The following FAT2 variants were observed in gnomAD, a reference collection of about 807,000 sequenced individuals.
The protein encoded by FAT2 is FAT atypical cadherin 2.
Under a neutral mutation model 295.3 loss-of-function variants are expected in FAT2, and 150 were observed. The observed-to-expected ratio is 0.51, with a 90% CI of 0.44 to 0.58. The LOEUF (loss-of-function observed/expected upper bound fraction) is 0.58. Ranked by LOEUF, FAT2 falls within the 20% of genes least tolerant of loss-of-function variation. The pLI is 0.00. For missense variants in FAT2, 4,868 were observed against 5,442.7 expected (o/e 0.89, Z 3.32); for synonymous variants, 2,026 against 2,150.3 (o/e 0.94, Z 1.60).
At chr5:151,591,894 C>T (rs752401778), upstream of FAT2, among the ~76,000 whole-genome samples, 10 of 152,164 alleles carry the variant, frequency 6.6e-5, no homozygotes, top group Non-Finnish European at 1.5e-4. Flanking sequence ...CCAGTCAGGA[C>T]TTAGCTGAGA....
intron 3 of FAT2, among the ~76,000 whole-genome samples, chr5:151,561,402 T>C (rs571271329): frequency 1.5e-4 from 23 of 152,144 alleles, no homozygotes; most frequent in African/African-American, 5.1e-4. Context: ...CTTTTTTTTT[T>C]CTTTCTGAGA....
Position 151,504,932 on chromosome 5 carries a change from C to A in FAT2, c.*633G>T. ...AGGCCTGGTGGTGCTCCTCGGAGTC[C>A]TTGTTGCCCTCCATCACCATTTTCT... On this transcript the variant is annotated 3_prime_UTR_variant, in exon 24 of 24. Transcript: ENST00000261800. The A allele has an allele frequency of 6.5e-6, 1 of 152,998 alleles. No individual in the cohort carries two copies. The allele number at this position is 152,998 out of a possible 1,614,324, so 9.5% of individuals were successfully genotyped here.
chr5:151,513,465 C>T (rs972445060), intron 20 of FAT2, among the ~76,000 whole-genome samples: 5 of 152,078 alleles, frequency 3.3e-5, no homozygotes, highest in African/African-American at 7.2e-5. Flanking sequence ...GAGTTGGCGG[C>T]CATTATCCTA....
intron 13 of FAT2, 85 bp from the exon 14 acceptor site, chr5:151,532,055 G>A (rs1754686672): frequency 6.5e-7 from 1 of 1,530,042 alleles, no homozygotes; most frequent in South Asian, 1.2e-5. Flanking sequence ...CACAGGAGGG[G>A]CTGGGGAGGG....
At chr5:151,549,206 G>T in intron 9 of FAT2, 89 bp downstream of exon 9, 1 of 1,241,518 alleles carries the variant, frequency 8.1e-7, no homozygotes, top group Non-Finnish European at 1.1e-6. Flanking sequence ...CTTGGTACTT[G>T]ATTAATTTGC....
In FAT2 at chr5:151,531,664, C is replaced by T. The variant is rs1397654420; in HGVS notation, c.9734G>A (p.Arg3245His). ...GTAGCCGGTCTTCTCTGCGCCCGGG[C>T]GAGTGAGGGTGGCCAGCTGCAGCAC... Reference protein sequence around the residue: ...TEVLQLATLTRPGAEKTGYRV... With the variant: ...TEVLQLATLTHPGAEKTGYRV... The change falls in exon 14 of 24, where the codon CGC (arginine) becomes CAC (histidine). Residue 3245 changes from arginine to histidine, a missense_variant. Arg to His is a conservative substitution (Grantham distance 29). Coordinates refer to ENST00000261800, the MANE Select transcript of FAT2 (RefSeq NM_001447.3). This position sits in a 1 kb window ranked among gnomAD's most constrained non-coding sequence, Gnocchi z 5.7. The T allele has an allele frequency of 6.2e-7, 1 of 1,613,728 alleles. No homozygotes were observed. The highest frequency in any genetic ancestry group is 8.5e-7 in the Non-Finnish European group (1 of 1,179,902).
At chr5:151,558,919 G>A (rs1050951907) in intron 3 of FAT2, among the ~76,000 whole-genome samples, 2 of 152,240 alleles carry the variant, frequency 1.3e-5, no homozygotes, top group Non-Finnish European at 2.9e-5. Context: ...TGGCCTAAGA[G>A]GCCGTGGCTG....
upstream of FAT2, among the ~76,000 whole-genome samples, chr5:151,592,111 G>A (rs943412167): frequency 6.6e-6 from 1 of 152,150 alleles, no homozygotes. Flanking sequence ...GGTGCAGGAC[G>A]CCTTGGCTTT....
chr5:151,512,799 A>C lies in FAT2; in HGVS notation c.11464-193T>G. Reference sequence around the variant, plus strand: ...TGTGTTGATGGTCTCCTTTGTTCTCACCACACCCCATGGGATGGTCTGGGT... The same window carrying C: ...TGTGTTGATGGTCTCCTTTGTTCTCCCCACACCCCATGGGATGGTCTGGGT... On this transcript the variant is annotated intron_variant, in intron 20 of 23. Transcript: ENST00000261800. This position sits in a 1 kb window ranked among gnomAD's most constrained non-coding sequence, Gnocchi z 4.1. 1.7e-6 allele frequency: 1 copy of C among 599,874 alleles called. No individual in the cohort carries two copies. Among genetic ancestry groups the C allele is most frequent in the Non-Finnish European group, 2.9e-6 (1 of 339,708 alleles). The allele number at this position is 599,874 out of a possible 1,614,324, so 37.2% of individuals were successfully genotyped here. A position where few individuals can be genotyped will look rare whatever the true frequency, so the allele number is the denominator to read the frequency against.
Position 151,567,973 on chromosome 5 carries a change from A to T in FAT2, c.959T>A (p.Ile320Asn), listed in dbSNP as rs1758358403. ...CCCATGAAGGTACTCCATCCAGTTG[A>T]TGTCTTTGACAGACACCAAACTGAA... ...NEFSLVSVKD[I>N]NWMEYLHGFN... Residue 320 changes from isoleucine to asparagine, a missense_variant, in exon 2 of 24, where the codon ATC (isoleucine) becomes AAC (asparagine). Physicochemically the swap from Ile to Asn is moderately radical, Grantham distance 149. This residue lies in a region of FAT2 where 3,297 missense variants were observed against 3,669.4 expected (regional missense o/e 0.90). Coordinates refer to ENST00000261800, the MANE Select transcript of FAT2 (RefSeq NM_001447.3). The T allele has an allele frequency of 6.2e-7, 1 of 1,614,084 alleles. No individual in the cohort carries two copies. Among genetic ancestry groups the T allele is most frequent in the South Asian group, 1.1e-5 (1 of 91,082 alleles).
chr5:151,566,286 G>A lies in FAT2; in HGVS notation c.2646C>T (p.Asp882=), dbSNP rs962415307. The A allele has an allele frequency of 1.9e-6, 3 of 1,613,988 alleles. No individual in the cohort carries two copies. Among genetic ancestry groups the A allele is most frequent in the African/African-American group, 2.7e-5 (2 of 74,888 alleles). ...TGELVVTGHL[D]RESEPRYILK... ...GTATGTACCGAGGCTCTGATTCGCG[G>A]TCCAGGTGTCCTGTAACAACCAGTT... is the stretch of plus-strand genomic sequence containing the variant. The change falls in exon 2 of 24, where the codon GAC becomes GAT. Residue 882 remains aspartate (D), a synonymous_variant. Transcript: ENST00000261800.
At chr5:151,507,668 C>T in intron 22 of FAT2, 57 bp from the exon 23 acceptor site, 6 of 1,466,368 alleles carry the variant, frequency 4.1e-6, no homozygotes, top group Non-Finnish European at 5.5e-6. Context: ...TCCATGTCCC[C>T]TCTTACAGAG....
At chr5:151,542,060 G>A (rs1445002228) in intron 10 of FAT2, among the ~76,000 whole-genome samples, 1 of 152,168 alleles carries the variant, frequency 6.6e-6, no homozygotes, top group Non-Finnish European at 1.5e-5. Context: ...TAATGTATAG[G>A]TGCTTTCTAG....
chr5:151,543,433 C>T lies in FAT2; in HGVS notation c.7694G>A (p.Arg2565Lys), dbSNP rs1380272637. 1.2e-6 allele frequency: 2 copies of T among 1,614,042 alleles called. No individual in the cohort carries two copies. The highest frequency in any genetic ancestry group is 2.2e-5 in the East Asian group (1 of 44,884). ...IKVMARDGGG[R>K]VAFCTVKIIL... is the part of the protein sequence containing the mutation. ...GATCTTCACCGTGCAGAAGGCTACT[C>T]TTCCTCCTCCATCCCGAGCCATGAC... Residue 2565 changes from arginine to lysine, a missense_variant, in exon 10 of 24, where the codon AGA becomes AAA. Coordinates refer to ENST00000261800, the MANE Select transcript of FAT2 (RefSeq NM_001447.3).
At chr5:151,533,902 C>G (rs1341322368) in intron 13 of FAT2, among the ~76,000 whole-genome samples, 1 of 151,868 alleles carries the variant, frequency 6.6e-6, no homozygotes, top group Non-Finnish European at 1.5e-5. Flanking sequence ...TGCAATTTAC[C>G]TTGTAAATTT....
rs779680737 is a variant in FAT2, at chr5:151,567,407, G to A, written c.1525C>T (p.Pro509Ser). 5 of 1,613,982 alleles carry A rather than the reference G, an allele frequency of 3.1e-6. No individual in the cohort carries two copies. The highest frequency in any genetic ancestry group is 4.2e-6 in the Non-Finnish European group (5 of 1,179,988). ...GPKALPFSIDPYLGIISTSKP... is the reference protein window; with the variant it reads ...GPKALPFSIDSYLGIISTSKP... Reference sequence around the variant, plus strand: ...GAGGTGGAGATGATCCCCAGGTAGGGGTCAATAGAAAATGGCAAAGCTTTT... The same window carrying A: ...GAGGTGGAGATGATCCCCAGGTAGGAGTCAATAGAAAATGGCAAAGCTTTT... Residue 509 changes from proline (P) to serine (S), a missense_variant, in exon 2 of 24, where the codon CCC (proline) becomes TCC (serine). Pro to Ser is a moderately conservative substitution (Grantham distance 74). Coordinates refer to ENST00000261800, the MANE Select transcript of FAT2 (RefSeq NM_001447.3).
chr5:151,514,216 C>T (rs774161221), intron 20 of FAT2, among the ~76,000 whole-genome samples: 1 of 152,150 alleles, frequency 6.6e-6, no homozygotes, highest in Non-Finnish European at 1.5e-5. Flanking sequence ...AACACACTTG[C>T]CTTTAAGAAA....
rs2127584755 is a variant in FAT2 at position 151,525,964 on chromosome 5, T to C, written c.10310A>G (p.Glu3437Gly). The C allele has an allele frequency of 6.2e-7, 1 of 1,613,986 alleles. No individual in the cohort carries two copies. Among genetic ancestry groups the C allele is most frequent in the Non-Finnish European group, 8.5e-7 (1 of 1,179,944 alleles). ...GACTTTGCTGCCAATGGGGGAGTTC[T>C]CCTGAGACCGAGAGTGACAAAGAAG... The part of the protein sequence containing the change: ...FQLNYSTTVQ[E>G]NSPIGSKVLQ... Residue 3437 changes from glutamate to glycine, a missense_variant and splice_region_variant, in exon 18 of 24, where the codon GAG (glutamate) becomes GGG (glycine). Physicochemically the swap from Glu to Gly is moderately conservative, Grantham distance 98. Coordinates refer to ENST00000261800, the MANE Select transcript of FAT2 (RefSeq NM_001447.3).
At chr5:151,519,798 A>G (rs189338922) in intron 19 of FAT2, among the ~76,000 whole-genome samples, 1 of 152,284 alleles carries the variant, frequency 6.6e-6, no homozygotes, top group Admixed American at 6.5e-5. Context: ...CTGGTGATCC[A>G]TGAGTTTATC....
Sources: allele counts gnomAD v4.1 joint callset (sites outside exome capture counted in the v4.1 genomes callset), GRCh38; gene constraint gnomAD v4.1.1; regional missense constraint gnomAD v4.1.1; non-coding constraint Gnocchi (gnomAD v3.1); transcripts MANE v1.5; gene names NCBI Gene and HGNC (gene_info 2026-07-23, HGNC 2026-07-21).